The following FAP variants were observed in gnomAD, a reference collection of about 807,000 sequenced individuals.
FAP encodes the protein prolyl endopeptidase FAP.
A neutral mutation model predicts 126.5 loss-of-function variants in FAP; 110 were observed. That is an observed-to-expected ratio of 0.87 (90% CI 0.74 to 1.02). The LOEUF (loss-of-function observed/expected upper bound fraction) is 1.02, where lower values mean the gene tolerates loss of function less well. FAP is among the 50% of genes least tolerant of loss of function. The probability of loss-of-function intolerance (pLI) is 0.00; values close to 1 mark genes in which losing one functional copy is unlikely to be tolerated. For synonymous variants in FAP, 334 were observed against 297.3 expected, an observed-to-expected ratio of 1.12 and a Z score of -1.27; for missense variants, 919 against 909.2, an observed-to-expected ratio of 1.01 and a Z score of -0.14.
At chr2:162,203,173 C>A in intron 12 of FAP, 28 bp from the exon 13 acceptor site, 1 of 1,455,358 alleles carries the variant, frequency 6.9e-7, no homozygotes, top group South Asian at 1.2e-5. Flanking sequence ...AGGTTATGTT[C>A]AAAAGACAAA....
chr2:162,212,453 CT>C (rs1688978398), intron 11 of FAP, among the ~76,000 whole-genome samples: 1 of 152,086 alleles, frequency 6.6e-6, no homozygotes, highest in Non-Finnish European at 1.5e-5. Context: ...AATCATCCTG[CT>C]TTGTATATCA....
chr2:162,179,270 T>G (rs1437420457), intron 21 of FAP, among the ~76,000 whole-genome samples: 1 of 148,886 alleles, frequency 6.7e-6, no homozygotes, highest in Non-Finnish European at 1.5e-5. Flanking sequence ...TTTTTGCTAG[T>G]CTTTCTAGAG....
intron 14 of FAP, among the ~76,000 whole-genome samples, chr2:162,201,487 C>T (rs1055081530): frequency 6.6e-6 from 1 of 152,184 alleles, no homozygotes; most frequent in Non-Finnish European, 1.5e-5. Flanking sequence ...GCCCTCCCCA[C>T]ATCATCTAAA....
chr2:162,197,849 CT>C (rs35582364), intron 16 of FAP: 2 of 334,524 alleles, frequency 6.0e-6, no homozygotes, highest in Admixed American at 4.3e-5. Context: ...TTTGTAATAC[CT>C]TTTTCCAAGT....
chr2:162,196,957 ATG>A, intron 16 of FAP, among the ~76,000 whole-genome samples: 1 of 152,212 alleles, frequency 6.6e-6, no homozygotes. Flanking sequence ...CCAACTTTTG[ATG>A]AGAGCTTAGG....
chr2:162,179,624 T>C (rs917064463), intron 21 of FAP, among the ~76,000 whole-genome samples: 2 of 151,932 alleles, frequency 1.3e-5, no homozygotes, highest in Non-Finnish European at 2.9e-5. Flanking sequence ...AAGAAAATAA[T>C]ATGTAAGTTG....
At chr2:162,237,060 G>T (rs752554381) in intron 2 of FAP, among the ~76,000 whole-genome samples, 7 of 152,030 alleles carry the variant, frequency 4.6e-5, no homozygotes, top group Non-Finnish European at 7.4e-5. Context: ...AATAAGTATT[G>T]TAAGTTATTC....
In FAP at chr2:162,170,795, A is replaced by C; in HGVS notation, c.*184T>G. 1.8e-6 allele frequency: 1 copy of C among 547,568 alleles called. No homozygotes were observed. The highest frequency in any genetic ancestry group is 2.6e-5 in the South Asian group (1 of 39,126). The allele number at this position is 547,568 out of a possible 1,614,324, so 33.9% of individuals were successfully genotyped here. On this transcript the variant is annotated 3_prime_UTR_variant, in exon 26 of 26. Transcript: ENST00000188790. Reference sequence around the variant, plus strand: ...TTTCTCTTCTTTCACAGAGTACCAGAAAATGTAAACAATATTTAGCTTGAA... The same window carrying C: ...TTTCTCTTCTTTCACAGAGTACCAGCAAATGTAAACAATATTTAGCTTGAA...
intron 12 of FAP, 159 bp downstream of exon 12, chr2:162,209,793 C>G (rs1161674737): frequency 1.7e-6 from 1 of 593,138 alleles, no homozygotes; most frequent in Non-Finnish European, 2.9e-6. Flanking sequence ...TTGTCCGGCA[C>G]AAAATCACTC....
rs762738740 is a variant in FAP, at chr2:162,203,105, G to A, written c.1088C>T (p.Ser363Leu). The A allele has an allele frequency of 5.6e-6, 9 of 1,613,246 alleles. 1 individual carries two copies. Among genetic ancestry groups the A allele is most frequent in the East Asian group, 2.2e-5 (1 of 44,844 alleles). ...STPVFSYDAI[S>L]YYKIFSDKDG... Reference sequence around the variant, plus strand: ...CTTGTCACTAAATATTTTGTAGTACGAAATGGCATCATAGCTGAAAACTGG... The same window carrying A: ...CTTGTCACTAAATATTTTGTAGTACAAAATGGCATCATAGCTGAAAACTGG... The change falls in exon 13 of 26, where the codon TCG (serine) becomes TTG (leucine). Residue 363 changes from serine (S) to leucine (L), a missense_variant. By Grantham distance (145) the Ser-to-Leu change is moderately radical (BLOSUM62 -2). Transcript: ENST00000188790.
chr2:162,223,490 A>T, intron 6 of FAP, 118 bp downstream of exon 6: 1 of 699,482 alleles, frequency 1.4e-6, no homozygotes. Flanking sequence ...GTATTACTAA[A>T]AAGTAAGAAA....
intron 4 of FAP, 114 bp from the exon 5 acceptor site, chr2:162,224,654 C>G (rs775908378): frequency 5.6e-6 from 3 of 535,536 alleles, no homozygotes; most frequent in South Asian, 3.4e-5. Flanking sequence ...CATAGACTTT[C>G]AATGCAATTG....
Position 162,215,961 on chromosome 2 carries a change from T to A in FAP, c.803A>T (p.Asp268Val). 3 of 1,614,110 alleles carry A rather than the reference T, an allele frequency of 1.9e-6. No individual in the cohort carries two copies. ...KNPVVRIFII[D>V]TTYPAYVGPQ... ...ACCTACATACGCAGGGTAAGTGGTA[T>A]CGATAATAAATATCCGAACAACGGG... The change falls in exon 10 of 26, where the codon GAT (aspartate) becomes GTT (valine). Residue 268 changes from aspartate (D) to valine (V), a missense_variant. Coordinates refer to ENST00000188790, the MANE Select transcript of FAP (RefSeq NM_004460.5).
chr2:162,217,963 A>G, intron 9 of FAP, 23 bp downstream of exon 9: 1 of 1,520,506 alleles, frequency 6.6e-7, no homozygotes, highest in Non-Finnish European at 8.9e-7. Context: ...AAATGAAAGC[A>G]TCGCTGAAAG....
At chr2:162,203,177 A>G in intron 12 of FAP, 32 bp from the exon 13 acceptor site, 1 of 1,421,382 alleles carries the variant, frequency 7.0e-7, no homozygotes, top group Non-Finnish European at 9.9e-7. Context: ...TATGTTCAAA[A>G]GACAAACCAA....
chr2:162,217,337 C>G (rs759951434), intron 9 of FAP, among the ~76,000 whole-genome samples: 4 of 152,164 alleles, frequency 2.6e-5, no homozygotes, highest in Non-Finnish European at 5.9e-5. Flanking sequence ...TTTCTGATAT[C>G]ATTTTTACAT....
Position 162,172,875 on chromosome 2 carries a change from TG to T in FAP, c.2116del (p.His706ThrfsTer43). ...LIHGTADDNV[H>X]FQNSAQIAKA... is the part of the protein sequence containing the mutation. ...AGCAATCTGTGCTGAGTTTTGAAAG[TG>T]CACATTATCTGCAACAAAGAGAGAG... On this transcript the variant is annotated frameshift_variant, in exon 25 of 26. Coordinates refer to ENST00000188790, the MANE Select transcript of FAP (RefSeq NM_004460.5). LOFTEE classifies it high-confidence loss of function. 1 of 1,612,154 alleles carries T rather than the reference TG, an allele frequency of 6.2e-7. No homozygotes were observed. The highest frequency in any genetic ancestry group is 8.5e-7 in the Non-Finnish European group (1 of 1,178,538).
chr2:162,211,873 C>T (rs904211158), intron 11 of FAP, among the ~76,000 whole-genome samples: 5 of 151,904 alleles, frequency 3.3e-5, no homozygotes, highest in South Asian at 4.2e-4. Context: ...AAAATGTTGC[C>T]GGGTCACTTA....
rs758756647 is a variant in FAP at position 162,225,653 on chromosome 2, C to G, written c.191-76G>C. 4.3e-6 allele frequency: 6 copies of G among 1,408,152 alleles called. No homozygotes were observed. In the Admixed American group the frequency reaches 1.3e-4, roughly 31 times the overall value. 87.2% of individuals were successfully genotyped at this position (1,408,152 alleles called of 1,614,324 possible). A position where few individuals can be genotyped will look rare whatever the true frequency, so the allele number is the denominator to read the frequency against. ...TACATTCCTAACAAAAGAAACCTCT[C>G]TATTTCACAGACCTACTTTGTTTTT... On this transcript the variant is annotated intron_variant, in intron 3 of 25. Transcript: ENST00000188790.
Sources: gnomAD v4.1 joint callset for allele counts (sites outside exome capture counted in the v4.1 genomes callset) on GRCh38, gnomAD v4.1.1 for gene constraint, MANE v1.5 for transcripts, NCBI Gene and HGNC (gene_info 2026-07-23, HGNC 2026-07-21) for gene names.